The following TBC1D5 variants were observed in gnomAD, a reference collection of about 807,000 sequenced individuals.
TBC1D5 encodes TBC1 domain family member 5.
TBC1D5 carries 75 observed loss-of-function variants against 100.3 expected under a neutral mutation model. That is an observed-to-expected ratio of 0.75 (90% CI 0.62 to 0.91). The LOEUF (loss-of-function observed/expected upper bound fraction) is 0.91. TBC1D5 is among the 40% of genes least tolerant of loss of function. The probability of loss-of-function intolerance (pLI) is 0.00; values close to 1 mark genes in which losing one functional copy is unlikely to be tolerated. For synonymous variants in TBC1D5, 323 were observed against 325.6 expected, an observed-to-expected ratio of 0.99 and a Z score of 0.09; for missense variants, 910 against 942.4, an observed-to-expected ratio of 0.97 and a Z score of 0.45.
At chr3:17,636,246 G>C (rs987795414) in intron 1 of TBC1D5, among the ~76,000 whole-genome samples, 2 of 152,096 alleles carry the variant, frequency 1.3e-5, no homozygotes. Flanking sequence ...ATATTGATGG[G>C]AAAGATCCAG....
At chr3:17,205,975 A>G (rs911358696) in intron 18 of TBC1D5, among the ~76,000 whole-genome samples, 28 of 152,134 alleles carry the variant, frequency 1.8e-4, no homozygotes, top group Non-Finnish European at 5.9e-5. Flanking sequence ...CATTTGATAT[A>G]ATACTTTCTC....
At chr3:17,370,336 G>A (rs969864837) in intron 13 of TBC1D5, among the ~76,000 whole-genome samples, 1 of 152,252 alleles carries the variant, frequency 6.6e-6, no homozygotes, top group East Asian at 1.9e-4. Context: ...AGCAATTTTT[G>A]AGGGTGTAAA....
intron 1 of TBC1D5, among the ~76,000 whole-genome samples, chr3:17,654,756 C>T (rs1329328919): frequency 3.3e-5 from 5 of 151,966 alleles, no homozygotes; most frequent in South Asian, 2.1e-4. Flanking sequence ...TCCTTGTACC[C>T]CTGGTAGAAT....
intron 18 of TBC1D5, among the ~76,000 whole-genome samples, chr3:17,188,071 G>A (rs953028890): frequency 2.0e-5 from 3 of 152,188 alleles, no homozygotes; most frequent in African/African-American, 7.2e-5. Flanking sequence ...CAGCCTGTTG[G>A]CAGTGAGGTG....
chr3:17,620,689 G>C (rs1358951332), intron 2 of TBC1D5, among the ~76,000 whole-genome samples: 2 of 152,134 alleles, frequency 1.3e-5, no homozygotes, highest in Admixed American at 1.3e-4. Flanking sequence ...GGAATGGGGA[G>C]GAAGGAGTGA....
intron 15 of TBC1D5, among the ~76,000 whole-genome samples, 154 bp from the exon 16 acceptor site, chr3:17,258,745 T>G (rs1223951314): frequency 6.6e-6 from 1 of 152,214 alleles, no homozygotes; most frequent in African/African-American, 2.4e-5. Context: ...TTTTATTAAA[T>G]TATTCCTTAC....
At chr3:17,378,096 A>G (rs2092783145) in intron 9 of TBC1D5, among the ~76,000 whole-genome samples, 1 of 151,910 alleles carries the variant, frequency 6.6e-6, no homozygotes, top group South Asian at 2.1e-4. Flanking sequence ...GTATTAATAG[A>G]AAAGTATGGA....
intron 3 of TBC1D5, among the ~76,000 whole-genome samples, chr3:17,431,025 G>A (rs756935560): frequency 6.6e-6 from 1 of 151,870 alleles, no homozygotes; most frequent in African/African-American, 2.4e-5. Flanking sequence ...ATAAACAAGT[G>A]TTACTTTACT....
At chr3:17,623,960 T>C (rs1363100010) in intron 1 of TBC1D5, 47 bp from the exon 2 acceptor site, 1 of 152,200 alleles carries the variant, frequency 6.6e-6, no homozygotes, top group Non-Finnish European at 1.5e-5. Flanking sequence ...TGAAATAGTT[T>C]TTAAATACAA....
rs968681399 is a variant in TBC1D5 at position 17,185,028 on chromosome 3, A to T, written c.1852+81T>A. On this transcript the variant is annotated intron_variant, in intron 19 of 21. Coordinates refer to ENST00000253692, the Ensembl canonical transcript of TBC1D5. ...AGGTAATTCATGTAAACAGCTTAGC[A>T]CAAGGCCTAGAACAAAGTATTGCTA... The T allele has an allele frequency of 2.4e-6, 3 of 1,272,096 alleles. No homozygotes were observed. In the African/African-American group the frequency reaches 4.4e-5, roughly 19 times the overall value. The allele number at this position is 1,272,096 out of a possible 1,614,324, so 78.8% of individuals were successfully genotyped here. A position where few individuals can be genotyped will look rare whatever the true frequency, so the allele number is the denominator to read the frequency against.
intron 18 of TBC1D5, among the ~76,000 whole-genome samples, chr3:17,203,975 C>T (rs1052168213): frequency 6.6e-6 from 1 of 152,174 alleles, no homozygotes; most frequent in African/African-American, 2.4e-5. Context: ...TTTTCAGGGG[C>T]AAAGTGAAGG....
intron 1 of TBC1D5, among the ~76,000 whole-genome samples, chr3:17,679,058 C>A (rs1273286395): frequency 7.0e-6 from 1 of 143,558 alleles, no homozygotes; most frequent in African/African-American, 2.6e-5. Context: ...GGGCCTATTT[C>A]CATATAATGA....
chr3:17,706,901 G>A (rs2074242183), intron 1 of TBC1D5, among the ~76,000 whole-genome samples: 2 of 150,806 alleles, frequency 1.3e-5, no homozygotes, highest in South Asian at 4.2e-4. Flanking sequence ...GTCATCTTTT[G>A]GACTGACATT....
intron 19 of TBC1D5, among the ~76,000 whole-genome samples, chr3:17,180,720 T>C (rs1043076240): frequency 1.3e-5 from 2 of 152,044 alleles, no homozygotes; most frequent in African/African-American, 4.8e-5. Flanking sequence ...AGCTAAATAA[T>C]GTGTATATAT....
At chr3:17,582,452 AGGAATCTAT>A (rs1347163842) in intron 2 of TBC1D5, among the ~76,000 whole-genome samples, 1 of 152,202 alleles carries the variant, frequency 6.6e-6, no homozygotes, top group Non-Finnish European at 1.5e-5. Flanking sequence ...TTGTAGTTAA[AGGAATCTAT>A]GGATGATGAC....
chr3:17,602,989 CACAG>C (rs1373590745), intron 2 of TBC1D5, among the ~76,000 whole-genome samples: 3 of 152,200 alleles, frequency 2.0e-5, no homozygotes, highest in Non-Finnish European at 2.9e-5. Flanking sequence ...GTGGAATGAA[CACAG>C]ACAAATGCCT....
In TBC1D5 at chr3:17,185,200, T is replaced by A. The variant is rs199795099; in HGVS notation, c.1761A>T (p.Glu587Asp). ...GAAGGAAGGAAATTTGGGCTTCTAA[T>A]TCTTCTTCCTAAAATAAAGGGATAA... The change falls in exon 19 of 22, where the codon GAA becomes GAT. Residue 587 changes from glutamate to aspartate, a missense_variant. Physicochemically the swap from Glu to Asp is conservative, Grantham distance 45. Transcript: ENST00000253692. 1.5e-5 allele frequency: 25 copies of A among 1,613,022 alleles called. No homozygotes were observed. The East Asian group carries it at 5.1e-4, about 33-fold the overall frequency.
intron 2 of TBC1D5, among the ~76,000 whole-genome samples, chr3:17,549,917 G>A (rs2096457595): frequency 6.6e-6 from 1 of 151,208 alleles, no homozygotes; most frequent in South Asian, 2.1e-4. Flanking sequence ...GCAACACAAT[G>A]AGACTCTGTC....
chr3:17,354,974 A>G (rs920833216), intron 13 of TBC1D5, among the ~76,000 whole-genome samples: 8 of 152,130 alleles, frequency 5.3e-5, no homozygotes, highest in African/African-American at 1.9e-4. Flanking sequence ...CTACAATGGG[A>G]TCACATGACC....
Sources: gnomAD v4.1 joint callset for allele counts (sites outside exome capture counted in the v4.1 genomes callset) on GRCh38, gnomAD v4.1.1 for gene constraint, MANE v1.5 for transcripts, NCBI Gene and HGNC (gene_info 2026-07-23, HGNC 2026-07-21) for gene names.